GLIS3: variants seen among roughly 807,000 people sequenced by gnomAD.
GLIS3 encodes zinc finger protein GLIS3.
A neutral mutation model predicts 78.6 loss-of-function variants in GLIS3; 53 were observed. The observed-to-expected ratio is 0.67, with a 90% CI of 0.54 to 0.85. GLIS3 has a LOEUF of 0.85. GLIS3 is among the 40% of genes least tolerant of loss of function. GLIS3 has a pLI of 0.00. For synonymous variants in GLIS3, 684 were observed against 509.9 expected (o/e 1.34, Z -4.60); for missense variants, 1,703 against 1,231.1 (o/e 1.38, Z -5.74).
intron 2 of GLIS3, among the ~76,000 whole-genome samples, chr9:4,148,387 C>T (rs1381774868): frequency 6.6e-6 from 1 of 152,080 alleles, no homozygotes; most frequent in Non-Finnish European, 1.5e-5. Flanking sequence ...CTCCATATTT[C>T]CATCCTCAAA....
intron 2 of GLIS3, among the ~76,000 whole-genome samples, chr9:4,161,002 A>C (rs1220086954): frequency 7.1e-6 from 1 of 140,324 alleles, no homozygotes. Flanking sequence ...CCAGCACTTA[A>C]GAAGGCTAAG....
At chr9:4,026,642 GATAA>G (rs1823374098) in intron 4 of GLIS3, among the ~76,000 whole-genome samples, 1 of 152,114 alleles carries the variant, frequency 6.6e-6, no homozygotes, top group African/African-American at 2.4e-5. Flanking sequence ...ATCATTTTGT[GATAA>G]ATAATATACT....
At chr9:4,038,255 T>C (rs1484953140) in intron 4 of GLIS3, among the ~76,000 whole-genome samples, 2 of 151,034 alleles carry the variant, frequency 1.3e-5, no homozygotes, top group East Asian at 2.0e-4. Flanking sequence ...TATCCCATGA[T>C]TAACTACTTC....
chr9:3,957,635 G>T (rs1227549794), intron 4 of GLIS3, among the ~76,000 whole-genome samples: 1 of 152,186 alleles, frequency 6.6e-6, no homozygotes, highest in Non-Finnish European at 1.5e-5. Context: ...TTAAAACCTT[G>T]TTATTAGGCA....
chr9:3,851,453 C>T (rs1047893352), intron 9 of GLIS3, among the ~76,000 whole-genome samples: 5 of 152,120 alleles, frequency 3.3e-5, no homozygotes, highest in Non-Finnish European at 7.3e-5. Context: ...TACCTCATTC[C>T]CTGTACTAAT....
the GLIS3 span, among the ~76,000 whole-genome samples, chr9:4,469,676 G>C: frequency 6.6e-6 from 1 of 152,162 alleles, no homozygotes; most frequent in Non-Finnish European, 1.5e-5. Context: ...GCCCACAAGA[G>C]AAAGCAGGAA....
chr9:4,224,814 A>C (rs1821632029), intron 2 of GLIS3, among the ~76,000 whole-genome samples: 1 of 151,740 alleles, frequency 6.6e-6, no homozygotes, highest in Non-Finnish European at 1.5e-5. Flanking sequence ...ACTGACATCA[A>C]TGTTGAACAG....
intron 2 of GLIS3, among the ~76,000 whole-genome samples, chr9:4,234,814 A>T (rs1822565716): frequency 6.6e-6 from 1 of 152,188 alleles, no homozygotes; most frequent in African/African-American, 2.4e-5. Context: ...AGCTTAAGTG[A>T]CCTGCTCAAG....
chr9:4,428,447 G>A, the GLIS3 span, among the ~76,000 whole-genome samples: 3,099 of 130,522 alleles, frequency 0.024, 98 homozygotes, highest in African/African-American at 0.085. Context: ...CCACTGTACT[G>A]TACTCCAGCC....
chr9:3,864,516 C>T (rs574840829), intron 8 of GLIS3, among the ~76,000 whole-genome samples: 42 of 152,276 alleles, frequency 2.8e-4, no homozygotes, highest in Non-Finnish European at 5.1e-4. Flanking sequence ...CAACTTTAAA[C>T]GCAGTACTCC....
chr9:3,984,649 A>T (rs1048476490), intron 4 of GLIS3, among the ~76,000 whole-genome samples: 1 of 152,048 alleles, frequency 6.6e-6, no homozygotes. Context: ...ACTTTGGGGG[A>T]CTCTTGGGAA....
At chr9:4,365,930 G>C in the GLIS3 span, among the ~76,000 whole-genome samples, 1 of 152,200 alleles carries the variant, frequency 6.6e-6, no homozygotes, top group Non-Finnish European at 1.5e-5. Context: ...TCACACTCTA[G>C]AGTCTATTCA....
chr9:4,233,068 G>A (rs922691322), intron 2 of GLIS3, among the ~76,000 whole-genome samples: 3 of 152,306 alleles, frequency 2.0e-5, no homozygotes, highest in Non-Finnish European at 2.9e-5. Flanking sequence ...GAGCTCTAAT[G>A]GCCAATTACA....
At chr9:3,830,131 G>GA (rs566437095) in intron 9 of GLIS3, among the ~76,000 whole-genome samples, 3 of 151,974 alleles carry the variant, frequency 2.0e-5, no homozygotes, top group Non-Finnish European at 4.4e-5. Flanking sequence ...CTCCAAAAAA[G>GA]AAAAAATATG....
intron 4 of GLIS3, among the ~76,000 whole-genome samples, chr9:4,052,017 C>T (rs989919039): frequency 2.0e-5 from 3 of 152,220 alleles, no homozygotes; most frequent in East Asian, 1.9e-4. Context: ...TTGGGAGAGG[C>T]CCGGGTATAA....
At chr9:4,049,968 G>A (rs962148435) in intron 4 of GLIS3, among the ~76,000 whole-genome samples, 2 of 152,078 alleles carry the variant, frequency 1.3e-5, no homozygotes, top group Non-Finnish European at 2.9e-5. Flanking sequence ...GAGAGGATGT[G>A]GAGAAATAGG....
intron 4 of GLIS3, among the ~76,000 whole-genome samples, chr9:4,073,017 T>C (rs973457237): frequency 4.3e-5 from 5 of 115,058 alleles, no homozygotes; most frequent in African/African-American, 1.2e-4. Flanking sequence ...ACTGCTTTTT[T>C]CTTTAAAAAA....
At chr9:4,466,751 A>G in the GLIS3 span, among the ~76,000 whole-genome samples, 1 of 152,180 alleles carries the variant, frequency 6.6e-6, no homozygotes, top group Non-Finnish European at 1.5e-5. Context: ...TGCATTTCCA[A>G]CTGAGGTACA....
At chr9:4,040,506 C>G (rs1824719884) in intron 4 of GLIS3, among the ~76,000 whole-genome samples, 1 of 152,110 alleles carries the variant, frequency 6.6e-6, no homozygotes, top group South Asian at 2.1e-4. Context: ...TAAGGACAAT[C>G]TGAACAACAA....
Sources: gnomAD v4.1 joint callset for allele counts (sites outside exome capture counted in the v4.1 genomes callset) on GRCh38, gnomAD v4.1.1 for gene constraint, MANE v1.5 for transcripts, NCBI Gene and HGNC (gene_info 2026-07-23, HGNC 2026-07-21) for gene names.